Variants in PPIP5K1 observed in about 807,000 individuals in gnomAD.
PPIP5K1 encodes inositol hexakisphosphate and diphosphoinositol-pentakisphosphate kinase 1.
PPIP5K1 carries 6 observed loss-of-function variants against 27.7 expected under a neutral mutation model. The observed-to-expected ratio is 0.22, with a 90% confidence interval of 0.12 to 0.43. PPIP5K1 has a LOEUF of 0.43. Ranked by LOEUF, PPIP5K1 falls within the 20% of genes least tolerant of loss-of-function variation. The pLI, the probability that PPIP5K1 is intolerant of heterozygous loss-of-function variation, is 1.00. For missense variants in PPIP5K1, 394 were observed against 635.4 expected (o/e 0.62, Z 4.08); for synonymous variants, 145 against 242.6 (o/e 0.60, Z 3.74).
chr15:43,540,162 G>C (rs923005950), intron 30 of PPIP5K1, among the ~76,000 whole-genome samples: 2 of 152,122 alleles, frequency 1.3e-5, no homozygotes, highest in African/African-American at 4.8e-5. Flanking sequence ...TGAGGCTTGA[G>C]AATCGCTTGA....
At chr15:43,542,301 C>CGG (rs35106975) in intron 30 of PPIP5K1, among the ~76,000 whole-genome samples, 117 of 123,090 alleles carry the variant, frequency 9.5e-4, no homozygotes, top group African/African-American at 3.3e-3. Context: ...TTAATTTTGG[C>CGG]GGGGGGGGGG....
intron 31 of PPIP5K1, among the ~76,000 whole-genome samples, chr15:43,536,712 A>C (rs2079912111): frequency 6.6e-6 from 1 of 152,186 alleles, no homozygotes; most frequent in South Asian, 2.1e-4. Context: ...AAAACATTTA[A>C]AAACTGATTT....
At chr15:43,552,907 G>A (rs2082413967) in intron 30 of PPIP5K1, among the ~76,000 whole-genome samples, 1 of 152,090 alleles carries the variant, frequency 6.6e-6, no homozygotes, top group Non-Finnish European at 1.5e-5. Context: ...GTTGGGGATG[G>A]TGGCACGTGC....
At chr15:43,565,714 C>A (rs1180741885) in intron 26 of PPIP5K1, among the ~76,000 whole-genome samples, 1 of 49,812 alleles carries the variant, frequency 2.0e-5, no homozygotes, top group Non-Finnish European at 3.3e-5. Flanking sequence ...CATGCCTGGA[C>A]AATTTTTTTA....
intron 30 of PPIP5K1, among the ~76,000 whole-genome samples, chr15:43,545,115 T>C (rs2081207606): frequency 6.6e-6 from 1 of 151,536 alleles, no homozygotes; most frequent in African/African-American, 2.4e-5. Context: ...GAGGCAGAGC[T>C]TGCAGTGAGC....
intron 30 of PPIP5K1, among the ~76,000 whole-genome samples, chr15:43,548,056 C>T (rs953985105): frequency 6.6e-6 from 1 of 151,950 alleles, no homozygotes; most frequent in Non-Finnish European, 1.5e-5. Context: ...GTCACCCAGG[C>T]TAGAGTGCTG....
chr15:43,535,038 G>C lies in PPIP5K1; in HGVS notation c.4109C>G (p.Ser1370Cys). The C allele has an allele frequency of 6.2e-7, 1 of 1,613,484 alleles. No individual in the cohort carries two copies. The highest frequency in any genetic ancestry group is 8.5e-7 in the Non-Finnish European group (1 of 1,179,814). Residue 1370 changes from serine (S) to cysteine (C), a missense_variant, in exon 32 of 32, where the codon TCC becomes TGC. Physicochemically the swap from Ser to Cys is moderately radical, Grantham distance 112 (BLOSUM62 -1). Transcript: ENST00000420765. ...VPHISQPCQK[S>C]SQLCQKVSEE... is the part of the protein sequence containing the mutation. ...AGAGACTTTCTGGCACAGTTGGCTG[G>C]ACTTCTGGCATGGCTGGCTGATGTG...
At position 43,549,717 on chromosome 15, in the gene PPIP5K1, C is replaced by T. The variant is rs1025340313; in HGVS notation, c.3556+9078G>A. 7.3e-5 allele frequency among the ~76,000 whole-genome samples: 11 copies of T among 151,270 alleles called. No individual in the cohort carries two copies. The South Asian group carries it at 2.1e-3, about 29-fold the overall frequency. On this transcript the variant is annotated intron_variant, in intron 30 of 31. Transcript: ENST00000420765. Reference sequence around the variant, plus strand: ...TGTAAGCCTGGGCTCATGCCTATAACCCCAGCACTTTGGGAGGCTGAGGTA... The same window carrying T: ...TGTAAGCCTGGGCTCATGCCTATAATCCCAGCACTTTGGGAGGCTGAGGTA...
At chr15:43,544,226 AT>A (rs1282492339) in intron 30 of PPIP5K1, among the ~76,000 whole-genome samples, 5 of 152,114 alleles carry the variant, frequency 3.3e-5, no homozygotes, top group African/African-American at 1.2e-4. Flanking sequence ...TTGTAAATAT[AT>A]ATGTATTTTT....
intron 30 of PPIP5K1, among the ~76,000 whole-genome samples, chr15:43,547,447 G>T (rs1159248024): frequency 6.6e-6 from 1 of 152,100 alleles, no homozygotes; most frequent in African/African-American, 2.4e-5. Flanking sequence ...AGGTCATTAA[G>T]ATTTACTCTA....
In PPIP5K1 at chr15:43,535,249, G is replaced by A. The variant is rs999157977; in HGVS notation, c.3898C>T (p.Pro1300Ser). 1 of 1,614,074 alleles carries A rather than the reference G, an allele frequency of 6.2e-7. No individual in the cohort carries two copies. The highest frequency in any genetic ancestry group is 8.5e-7 in the Non-Finnish European group (1 of 1,180,038). ...LFEPNQSPQV[P>S]PMETSQPYEE... ...TATGGCTGGCTGGTTTCCATAGGTG[G>A]CACCTGTGGGGACTGATTTGGTTCA... is the stretch of plus-strand genomic sequence containing the variant. Residue 1300 changes from proline (P) to serine (S), a missense_variant, in exon 32 of 32, where the codon CCA becomes TCA. Physicochemically the swap from Pro to Ser is moderately conservative, Grantham distance 74. Around this residue, in one of 4 missense-constraint regions of PPIP5K1, gnomAD observed 379 missense variants for 423.9 expected, o/e 0.89. Coordinates refer to ENST00000420765, the MANE Select transcript of PPIP5K1 (RefSeq NM_001394395.1).
In PPIP5K1 at chr15:43,535,099, G is replaced by T. The variant is rs1186776852; in HGVS notation, c.4048C>A (p.His1350Asn). 1 of 1,613,678 alleles carries T rather than the reference G, an allele frequency of 6.2e-7. No individual in the cohort carries two copies. The highest frequency in any genetic ancestry group is 1.3e-5 in the African/African-American group (1 of 74,828). The change falls in exon 32 of 32, where the codon CAT (histidine) becomes AAT (asparagine). Residue 1350 changes from histidine to asparagine, a missense_variant. Transcript: ENST00000420765. ...PDISQQCQEN[H>N]DNGNHTCQEV... ...TGGCATGTGTGGTTACCATTGTCAT[G>T]GTTCTCCTGGCATTGCTGGCTGATG... is the stretch of plus-strand genomic sequence containing the variant.
At position 43,557,510 on chromosome 15, in the gene PPIP5K1, G is replaced by A. The variant is rs577851023; in HGVS notation, c.3556+1285C>T. Among the ~76,000 whole-genome samples, 4 of 152,230 alleles carry A rather than the reference G, an allele frequency of 2.6e-5. No individual in the cohort carries two copies. The East Asian group carries it at 5.8e-4, about 22-fold the overall frequency. ...TTTGAGAGGCCAAGGCAGGAGGATCGTTTGAGCCCAGGAGTTCTGGGCTGC... is the reference window on the plus strand; with the variant it reads ...TTTGAGAGGCCAAGGCAGGAGGATCATTTGAGCCCAGGAGTTCTGGGCTGC... On this transcript the variant is annotated intron_variant, in intron 30 of 31. Coordinates refer to ENST00000420765, the MANE Select transcript of PPIP5K1 (RefSeq NM_001394395.1).
rs1016263069 is a variant in PPIP5K1, at chr15:43,534,803, G to A, written c.4344C>T (p.Gly1448=). ...TCGCAGAAGTCTCCTGGGCCAGCCT[G>A]CCAACCTCCACAGAGAACTCCTGGT... is the stretch of plus-strand genomic sequence containing the variant. The part of the protein sequence containing the change: ...QPYQEFSVEV[G]RLAQETSAIN... The change falls in exon 32 of 32, where the codon GGC becomes GGT. Residue 1448 remains glycine, a synonymous_variant. Coordinates refer to ENST00000420765, the MANE Select transcript of PPIP5K1 (RefSeq NM_001394395.1). 12 of 1,603,290 alleles carry A rather than the reference G, an allele frequency of 7.5e-6. No individual in the cohort carries two copies. The highest frequency in any genetic ancestry group is 1.7e-5 in the Admixed American group (1 of 58,822).
chr15:43,536,088 G>A, intron 31 of PPIP5K1: 1 of 1,285,546 alleles, frequency 7.8e-7, no homozygotes, highest in Non-Finnish European at 1.0e-6. Context: ...GCAGAAGAAT[G>A]TAGAAAAACC....
rs1409906884 is a variant in PPIP5K1, at chr15:43,581,129, A to G, written c.940-6T>C. On this transcript the variant is annotated splice_region_variant and splice_polypyrimidine_tract_variant and intron_variant, in intron 9 of 31. Coordinates refer to ENST00000420765, the MANE Select transcript of PPIP5K1 (RefSeq NM_001394395.1). ...TCAAATCCACAAACTGTTTGCTGCA[A>G]GGAAAAGAAGAAAGATGAGAACAAG... is the stretch of plus-strand genomic sequence containing the variant. 1 of 1,554,104 alleles carries G rather than the reference A, an allele frequency of 6.4e-7. No homozygotes were observed. Among genetic ancestry groups the G allele is most frequent in the South Asian group, 1.1e-5 (1 of 88,946 alleles).
intron 30 of PPIP5K1, among the ~76,000 whole-genome samples, chr15:43,554,832 T>TA (rs1445685116): frequency 6.6e-6 from 1 of 151,938 alleles, no homozygotes; most frequent in Non-Finnish European, 1.5e-5. Context: ...ATTGTTAGAG[T>TA]AAATAATAAT....
At chr15:43,540,414 T>TA (rs1014124404) in intron 30 of PPIP5K1, among the ~76,000 whole-genome samples, 5 of 151,716 alleles carry the variant, frequency 3.3e-5, no homozygotes, top group African/African-American at 1.2e-4. Flanking sequence ...ATGTAAAAAT[T>TA]AAGGCCGGGC....
chr15:43,551,578 G>A (rs1228253123), intron 30 of PPIP5K1, among the ~76,000 whole-genome samples: 1 of 144,286 alleles, frequency 6.9e-6, no homozygotes, highest in African/African-American at 2.6e-5. Flanking sequence ...TGTTACAGGT[G>A]TGTTTAGACT....
Sources: gnomAD v4.1 joint callset for allele counts (sites outside exome capture counted in the v4.1 genomes callset) on GRCh38, gnomAD v4.1.1 for gene constraint, gnomAD v4.1.1 regional missense constraint, MANE v1.5 for transcripts, NCBI Gene and HGNC (gene_info 2026-07-23, HGNC 2026-07-21) for gene names.